EPB41: variants seen among roughly 807,000 people sequenced by gnomAD.
EPB41 encodes protein 4.1.
EPB41 carries 65 observed loss-of-function variants against 108.0 expected under a neutral mutation model. The observed-to-expected ratio is 0.60, with a 90% CI of 0.49 to 0.74. The LOEUF (loss-of-function observed/expected upper bound fraction) is 0.74, where lower values mean the gene tolerates loss of function less well. EPB41 is among the 30% of genes least tolerant of loss of function. The pLI is 0.00. For missense variants in EPB41, 875 were observed against 1,037.0 expected (o/e 0.84, Z 2.15); for synonymous variants, 336 against 358.9 (o/e 0.94, Z 0.72).
At chr1:29,030,636 C>A (rs999552472) in intron 8 of EPB41, 149 bp downstream of exon 8, 55 of 687,616 alleles carry the variant, frequency 8.0e-5, no homozygotes, top group Non-Finnish European at 1.3e-4. Context: ...GTAGACTGGG[C>A]ACAGCAGCTC....
intron 17 of EPB41, among the ~76,000 whole-genome samples, chr1:29,107,186 AAAAAT>A (rs1291605698): frequency 6.6e-6 from 1 of 151,996 alleles, no homozygotes. Context: ...CCTCTCAACA[AAAAAT>A]AAAATAAATA....
upstream of EPB41, among the ~76,000 whole-genome samples, chr1:28,913,762 C>G (rs901301895): frequency 4.1e-4 from 63 of 152,252 alleles, no homozygotes; most frequent in African/African-American, 1.4e-3. Context: ...GTTCACAGAC[C>G]AGCCTAGCAG....
At chr1:28,894,271 C>T (rs944409161) in intron 1 of EPB41, among the ~76,000 whole-genome samples, 13 of 152,170 alleles carry the variant, frequency 8.5e-5, no homozygotes, top group African/African-American at 2.7e-4. Context: ...TATAGTAGCA[C>T]GTAGTAGGTG....
At chr1:28,936,770 A>G (rs2148677182) in intron 1 of EPB41, among the ~76,000 whole-genome samples, 1 of 152,352 alleles carries the variant, frequency 6.6e-6, no homozygotes, top group East Asian at 1.9e-4. Context: ...GTATCACACA[A>G]AAATATTCTA....
At chr1:29,060,275 C>T in intron 14 of EPB41, 147 bp from the exon 15 acceptor site, 2 of 634,292 alleles carry the variant, frequency 3.2e-6, no homozygotes, top group Middle Eastern at 8.3e-4. Flanking sequence ...GTCCGTGTGA[C>T]TCTCTGACCA....
At chr1:29,107,634 C>A (rs960616782) in intron 17 of EPB41, among the ~76,000 whole-genome samples, 1 of 151,732 alleles carries the variant, frequency 6.6e-6, no homozygotes, top group Admixed American at 6.6e-5. Flanking sequence ...GGGCGGTTCA[C>A]GAAGTCAGGA....
chr1:28,912,478 T>C (rs2092307131), upstream of EPB41, among the ~76,000 whole-genome samples: 1 of 152,084 alleles, frequency 6.6e-6, no homozygotes, highest in African/African-American at 2.4e-5. Context: ...ACAAATATAT[T>C]ATTATATTTG....
At chr1:29,080,054 T>G (rs1655826368) in intron 16 of EPB41, among the ~76,000 whole-genome samples, 1 of 152,052 alleles carries the variant, frequency 6.6e-6, no homozygotes, top group African/African-American at 2.4e-5. Flanking sequence ...TCACAGCTTT[T>G]TTGGGCAGTA....
At position 29,047,406 on chromosome 1, in the gene EPB41, C is replaced by T. The variant is rs141960799; in HGVS notation, c.1637-5698C>T. ...CTGGTACCACAAGTTCACGCTACCGCGCCTGGCTAATTTTTTTTTTTTTTT... is the reference window on the plus strand; with the variant it reads ...CTGGTACCACAAGTTCACGCTACCGTGCCTGGCTAATTTTTTTTTTTTTTT... On this transcript the variant is annotated intron_variant, in intron 11 of 20. Transcript: ENST00000343067. Among the ~76,000 whole-genome samples, 650 of 145,698 alleles carry T rather than the reference C, an allele frequency of 4.5e-3. 4 individuals carry two copies. Among genetic ancestry groups the T allele is most frequent in the African/African-American group, 0.016 (613 of 39,070 alleles).
chr1:28,957,783 A>G (rs2095021988), intron 1 of EPB41, among the ~76,000 whole-genome samples: 1 of 152,160 alleles, frequency 6.6e-6, no homozygotes, highest in Admixed American at 6.5e-5. Flanking sequence ...TGGGGAAAAA[A>G]TCAATTTCAG....
chr1:28,921,207 A>G (rs1017179094), intron 1 of EPB41, among the ~76,000 whole-genome samples: 1 of 152,220 alleles, frequency 6.6e-6, no homozygotes, highest in Non-Finnish European at 1.5e-5. Flanking sequence ...TAGTACTTAC[A>G]TATACTCTTA....
At chr1:28,893,484 G>A (rs757985434) in intron 1 of EPB41, 1 of 152,306 alleles carries the variant, frequency 6.6e-6, no homozygotes, top group Non-Finnish European at 1.5e-5. Context: ...CAGGGGCCAT[G>A]TCTGTCTTCT....
Position 29,097,882 on chromosome 1 carries a change from G to T in EPB41, c.2260G>T (p.Asp754Tyr). ...TGTGAAAAGTGAAATCCCAACCAAA[G>T]ACGTCCCTATTGTCCACACTGAGAC... ...NAVKSEIPTK[D>Y]VPIVHTETKT... Residue 754 changes from aspartate (D) to tyrosine (Y), a missense_variant, in exon 17 of 21, where the codon GAC (aspartate) becomes TAC (tyrosine). Physicochemically the swap from Asp to Tyr is radical, Grantham distance 160. This residue lies in a region of EPB41 where 519 missense variants were observed against 627.3 expected (regional missense o/e 0.83). Coordinates refer to ENST00000343067, the MANE Select transcript of EPB41 (RefSeq NM_001376013.1). 2 of 1,614,008 alleles carry T rather than the reference G, an allele frequency of 1.2e-6. No individual in the cohort carries two copies. The highest frequency in any genetic ancestry group is 1.7e-6 in the Non-Finnish European group (2 of 1,179,898).
chr1:29,011,142 A>G (rs2096494315), intron 4 of EPB41, among the ~76,000 whole-genome samples: 1 of 151,366 alleles, frequency 6.6e-6, no homozygotes, highest in Non-Finnish European at 1.5e-5. Flanking sequence ...AAAAAAAGAA[A>G]AAAAAGAAAA....
intron 1 of EPB41, among the ~76,000 whole-genome samples, chr1:28,972,192 T>A (rs2095511192): frequency 6.6e-6 from 1 of 152,158 alleles, no homozygotes; most frequent in African/African-American, 2.4e-5. Context: ...CTTCCCAAAG[T>A]GTGCTAGGAT....
intron 1 of EPB41, among the ~76,000 whole-genome samples, chr1:28,975,123 G>T (rs985127035): frequency 9.2e-5 from 14 of 151,880 alleles, no homozygotes; most frequent in African/African-American, 2.9e-4. Flanking sequence ...GTAGAGATGG[G>T]GTTTTACCAT....
rs750809586 is a variant in EPB41 at position 29,088,045 on chromosome 1, C to CTTTTTTTTTTT, written c.2185-9755_2185-9754insTTTTTTTTTTT. On this transcript the variant is annotated intron_variant, in intron 16 of 20. Transcript: ENST00000343067. ...CATCTTTTTTCCTTTTTCTTTTTTT[C>CTTTTTTTTTTT]TTTTTTTCTTTTTTTTTTGAGATGG... Among the ~76,000 whole-genome samples the CTTTTTTTTTTT allele has an allele frequency of 2.3e-5, 3 of 131,576 alleles. 1 individual carries two copies. The highest frequency in any genetic ancestry group is 2.7e-5 in the African/African-American group (1 of 36,398). The allele number at this position is 131,576 out of a possible 152,430, so 86.3% of individuals were successfully genotyped here.
intron 11 of EPB41, among the ~76,000 whole-genome samples, chr1:29,050,561 G>A (rs1393153775): frequency 6.6e-6 from 1 of 152,216 alleles, no homozygotes; most frequent in Non-Finnish European, 1.5e-5. Flanking sequence ...CACTCTTGCA[G>A]TGACTGCTTA....
rs78527319 is a variant in EPB41 at position 28,905,134 on chromosome 1, G to A, written c.-8+17924G>A. On this transcript the variant is annotated intron_variant, in intron 1 of 16. Transcript: ENST00000347529. ...GACTAGCTAGAACCCGGGAGATGGA[G>A]GTTGCAGTGAGGCGAGATTGCGCCA... is the stretch of plus-strand genomic sequence containing the variant. 3.9e-4 allele frequency among the ~76,000 whole-genome samples: 59 copies of A among 152,238 alleles called. 1 individual carries two copies. In the East Asian group the frequency reaches 0.011, roughly 29 times the overall value.
Sources: gnomAD v4.1 joint callset for allele counts (sites outside exome capture counted in the v4.1 genomes callset) on GRCh38, gnomAD v4.1.1 for gene constraint, gnomAD v4.1.1 regional missense constraint, MANE v1.5 for transcripts, NCBI Gene and HGNC (gene_info 2026-07-23, HGNC 2026-07-21) for gene names.